Variants in SYNDIG1 observed in about 807,000 individuals in gnomAD.
The protein encoded by SYNDIG1 is synapse differentiation-inducing gene protein 1.
A neutral mutation model predicts 19.4 loss-of-function variants in SYNDIG1; 9 were observed. The observed-to-expected ratio is 0.46, with a 90% CI of 0.28 to 0.81. The LOEUF (loss-of-function observed/expected upper bound fraction) is 0.81, where lower values mean the gene tolerates loss of function less well. SYNDIG1 is among the 30% of genes least tolerant of loss of function. The probability of loss-of-function intolerance (pLI) is 0.12; values close to 1 mark genes in which losing one functional copy is unlikely to be tolerated. For synonymous variants in SYNDIG1, 141 were observed against 145.9 expected (o/e 0.97, Z 0.24); for missense variants, 311 against 343.3 (o/e 0.91, Z 0.74).
In SYNDIG1 at chr20:24,517,322, A is replaced by T. The variant is rs184945420; in HGVS notation, c.-78-25698A>T. Among the ~76,000 whole-genome samples, 1,498 of 150,488 alleles carry T rather than the reference A, an allele frequency of 1.0e-2. 27 individuals are homozygous for T. The highest frequency in any genetic ancestry group is 0.034 in the African/African-American group (1,388 of 41,146). On this transcript the variant is annotated intron_variant, in intron 1 of 3. Transcript: ENST00000376862. Reference sequence around the variant, plus strand: ...TAATAAAAAAAAAAATAAATAAATAAATATATATATATGCCGGGTGTGGTG... The same window carrying T: ...TAATAAAAAAAAAAATAAATAAATATATATATATATATGCCGGGTGTGGTG...
At chr20:24,552,821 A>G (rs2057732109) in intron 2 of SYNDIG1, among the ~76,000 whole-genome samples, 1 of 152,198 alleles carries the variant, frequency 6.6e-6, no homozygotes, top group Non-Finnish European at 1.5e-5. Context: ...TTGGGTATAT[A>G]CCCGGTAATG....
chr20:24,517,690 A>G (rs1727317904), intron 1 of SYNDIG1, among the ~76,000 whole-genome samples: 1 of 146,058 alleles, frequency 6.8e-6, no homozygotes, highest in Non-Finnish European at 1.5e-5. Context: ...ATGTATATAT[A>G]TATACACATA....
intron 2 of SYNDIG1, among the ~76,000 whole-genome samples, chr20:24,550,673 T>A (rs2057689242): frequency 6.6e-6 from 1 of 152,016 alleles, no homozygotes; most frequent in Non-Finnish European, 1.5e-5. Flanking sequence ...CATGCCCGGC[T>A]AATTTTTTTT....
intron 1 of SYNDIG1, among the ~76,000 whole-genome samples, chr20:24,510,691 T>C (rs2056724067): frequency 6.6e-6 from 1 of 152,210 alleles, no homozygotes; most frequent in African/African-American, 2.4e-5. Flanking sequence ...ATTATGTATG[T>C]CTGAATCTGT....
chr20:24,639,137 G>A (rs1468657589), intron 3 of SYNDIG1, among the ~76,000 whole-genome samples: 2 of 152,200 alleles, frequency 1.3e-5, no homozygotes. Flanking sequence ...CCTAAAATGT[G>A]GAGACAGGAG....
intron 1 of SYNDIG1, among the ~76,000 whole-genome samples, chr20:24,521,201 G>A (rs551096045): frequency 4.6e-5 from 7 of 152,184 alleles, no homozygotes; most frequent in East Asian, 1.9e-4. Flanking sequence ...CATATTTTGC[G>A]TATTCATTCC....
At chr20:24,597,236 G>A (rs1423320478) in intron 3 of SYNDIG1, 1 of 152,214 alleles carries the variant, frequency 6.6e-6, no homozygotes, top group African/African-American at 2.4e-5. Flanking sequence ...GCACATAAAA[G>A]TGCAGTTTGG....
intron 3 of SYNDIG1, among the ~76,000 whole-genome samples, chr20:24,588,847 G>A (rs147637201): frequency 7.2e-5 from 11 of 152,038 alleles, no homozygotes; most frequent in African/African-American, 2.7e-4. Context: ...CAGTGAGATT[G>A]AGAGATGTGC....
intron 2 of SYNDIG1, among the ~76,000 whole-genome samples, chr20:24,577,733 C>T (rs2058253341): frequency 6.6e-6 from 1 of 152,202 alleles, no homozygotes; most frequent in South Asian, 2.1e-4. Flanking sequence ...CTGGAGCCAC[C>T]ATAAATAAGA....
intron 2 of SYNDIG1, among the ~76,000 whole-genome samples, chr20:24,551,318 T>C (rs2045520119): frequency 6.6e-6 from 1 of 152,210 alleles, no homozygotes; most frequent in Non-Finnish European, 1.5e-5. Flanking sequence ...TTACTTTCTG[T>C]ATGGTTGGTA....
At chr20:24,510,401 T>C (rs1309522472) in intron 1 of SYNDIG1, among the ~76,000 whole-genome samples, 1 of 150,686 alleles carries the variant, frequency 6.6e-6, no homozygotes, top group Non-Finnish European at 1.5e-5. Flanking sequence ...AAACCCCATC[T>C]GTACTTAAAA....
At chr20:24,479,429 T>C (rs2055732536) in intron 1 of SYNDIG1, among the ~76,000 whole-genome samples, 1 of 152,138 alleles carries the variant, frequency 6.6e-6, no homozygotes, top group Admixed American at 6.5e-5. Context: ...CCCTACCCCT[T>C]ACCCAAGGCC....
intron 3 of SYNDIG1, among the ~76,000 whole-genome samples, chr20:24,661,094 G>A (rs1158596199): frequency 6.6e-6 from 1 of 152,218 alleles, no homozygotes; most frequent in Admixed American, 6.5e-5. Flanking sequence ...ATGCTTCTCA[G>A]CCTCCAAACC....
At position 24,553,168 on chromosome 20, in the gene SYNDIG1, T is replaced by C. The variant is rs560795390; in HGVS notation, c.480+9591T>C. Among the ~76,000 whole-genome samples, 9 of 152,086 alleles carry C rather than the reference T, an allele frequency of 5.9e-5. No individual in the cohort carries two copies. In the South Asian group the frequency reaches 1.9e-3, roughly 32 times the overall value. ...TTTTTGATGGGGTTGTTTGTTTTTT[T>C]CTTGTAAATTTGTTTGAGTTCATTG... On this transcript the variant is annotated intron_variant, in intron 2 of 3. Coordinates refer to ENST00000376862, the MANE Select transcript of SYNDIG1 (RefSeq NM_024893.3).
chr20:24,508,087 A>T (rs1216465435), intron 1 of SYNDIG1, among the ~76,000 whole-genome samples: 1 of 152,230 alleles, frequency 6.6e-6, no homozygotes, highest in Non-Finnish European at 1.5e-5. Flanking sequence ...AAACCAATAA[A>T]AAAAGAAATG....
rs1002043406 is a variant in SYNDIG1, at chr20:24,517,322, A to AAT, written c.-78-25687_-78-25686dup. ...TAATAAAAAAAAAAATAAATAAATAAATATATATATATGCCGGGTGTGGTG... is the reference window on the plus strand; with the variant it reads ...TAATAAAAAAAAAAATAAATAAATAAATATATATATATATGCCGGGTGTGGTG... On this transcript the variant is annotated intron_variant, in intron 1 of 3. Transcript: ENST00000376862. 4.7e-5 allele frequency among the ~76,000 whole-genome samples: 7 copies of AAT among 150,510 alleles called. No individual in the cohort carries two copies. The South Asian group carries it at 1.0e-3, about 23-fold the overall frequency.
At chr20:24,508,238 T>TC (rs1486792467) in intron 1 of SYNDIG1, among the ~76,000 whole-genome samples, 1 of 133,412 alleles carries the variant, frequency 7.5e-6, no homozygotes, top group Non-Finnish European at 1.6e-5. Context: ...TTTTTTTTTT[T>TC]TTTTTTTTGT....
At position 24,630,188 on chromosome 20, in the gene SYNDIG1, C is replaced by T. The variant is rs566630077; in HGVS notation, c.619-35158C>T. Among the ~76,000 whole-genome samples the T allele has an allele frequency of 1.5e-4, 22 of 144,614 alleles. No individual in the cohort carries two copies. In the East Asian group the frequency reaches 1.6e-3, roughly 10 times the overall value. 94.9% of individuals were successfully genotyped at this position (144,614 alleles called of 152,430 possible). On this transcript the variant is annotated intron_variant, in intron 3 of 3. Transcript: ENST00000376862. ...GAAGCACAGAGTTGGTGCCCATGAT[C>T]GTGTATCATCAGGGGAGTACAAAAC...
At chr20:24,567,360 C>T (rs966276498) in intron 2 of SYNDIG1, among the ~76,000 whole-genome samples, 1 of 152,092 alleles carries the variant, frequency 6.6e-6, no homozygotes, top group Non-Finnish European at 1.5e-5. Flanking sequence ...GGGCCCCCTC[C>T]CACCTGGCTG....
Sources: allele counts gnomAD v4.1 joint callset (sites outside exome capture counted in the v4.1 genomes callset), GRCh38; gene constraint gnomAD v4.1.1; transcripts MANE v1.5; gene names NCBI Gene and HGNC (gene_info 2026-07-23, HGNC 2026-07-21).